The following SMAD2 variants were observed in gnomAD, a reference collection of about 807,000 sequenced individuals.
SMAD2 encodes MAD homolog 2.
In SMAD2, 8 loss-of-function variants were observed where a neutral mutation model predicts 64.4. That is an observed-to-expected ratio of 0.12 (90% CI 0.07 to 0.22). The LOEUF is 0.22. Ranked by LOEUF, SMAD2 falls within the 10% of genes least tolerant of loss-of-function variation. The pLI, the probability that SMAD2 is intolerant of heterozygous loss-of-function variation, is 1.00. For synonymous variants in SMAD2, 203 were observed against 195.8 expected (o/e 1.04, Z -0.31); for missense variants, 289 against 561.2 (o/e 0.51, Z 4.90).
At chr18:47,885,410 C>T (rs913730024) in intron 2 of SMAD2, among the ~76,000 whole-genome samples, 1 of 152,108 alleles carries the variant, frequency 6.6e-6, no homozygotes, top group African/African-American at 2.4e-5. Context: ...TCAAGTGACC[C>T]ACCTGCCTCA....
chr18:47,850,649 TAA>T (rs1915348763), intron 7 of SMAD2, among the ~76,000 whole-genome samples: 2 of 47,174 alleles, frequency 4.2e-5, no homozygotes, highest in Non-Finnish European at 6.6e-5. Flanking sequence ...ATATTATGTA[TAA>T]TATATATTAT....
rs1462147233 is a variant in SMAD2 at position 47,816,444 on chromosome 18, A to G, written c.*25383T>C. 2.6e-5 allele frequency: 4 copies of G among 152,246 alleles called. No homozygotes were observed. The highest frequency in any genetic ancestry group is 7.2e-5 in the African/African-American group (3 of 41,464). The allele number at this position is 152,246 out of a possible 1,614,324, so 9.4% of individuals were successfully genotyped here. On this transcript the variant is annotated 3_prime_UTR_variant, in exon 11 of 11. Transcript: ENST00000262160. ...AACTTATTAAGAACATTAACAAGTA[A>G]TAACACATATTTTAATGTAATATTG...
chr18:47,845,832 T>C, intron 8 of SMAD2, 32 bp from the exon 9 acceptor site: 2 of 1,596,742 alleles, frequency 1.3e-6, no homozygotes, highest in Non-Finnish European at 1.7e-6. Context: ...ATTAGTTTTG[T>C]AACATTTACT....
In SMAD2 at chr18:47,829,778, T is replaced by C. The variant is rs1270430385; in HGVS notation, c.*12049A>G. 6.6e-6 allele frequency: 1 copy of C among 152,240 alleles called. No homozygotes were observed. Among genetic ancestry groups the C allele is most frequent in the Non-Finnish European group, 1.5e-5 (1 of 68,040 alleles). The allele number at this position is 152,240 out of a possible 1,614,324, so 9.4% of individuals were successfully genotyped here. A position where few individuals can be genotyped will look rare whatever the true frequency, so the allele number is the denominator to read the frequency against. ...ATTTAGTTTACCAAATGTAGCTTTT[T>C]ATGTTTTATGTTTTACCAACAAATA... On this transcript the variant is annotated 3_prime_UTR_variant, in exon 11 of 11. Transcript: ENST00000262160.
At chr18:47,851,461 TGTAA>T (rs1568044149) in intron 6 of SMAD2, 134 bp from the exon 7 acceptor site, 1 of 415,142 alleles carries the variant, frequency 2.4e-6, no homozygotes, top group African/African-American at 2.2e-5. Flanking sequence ...ATTCAGAATA[TGTAA>T]GTGCTTAAAT....
At chr18:47,902,300 T>A (rs1307951671) in intron 1 of SMAD2, among the ~76,000 whole-genome samples, 1 of 152,220 alleles carries the variant, frequency 6.6e-6, no homozygotes, top group Non-Finnish European at 1.5e-5. Flanking sequence ...TCTCTATCGC[T>A]AAATATATAA....
intron 6 of SMAD2, among the ~76,000 whole-genome samples, chr18:47,859,226 A>C (rs754115860): frequency 6.6e-6 from 1 of 152,178 alleles, no homozygotes; most frequent in East Asian, 1.9e-4. Context: ...GCACAAACAG[A>C]TGACTCTAAA....
Position 47,838,242 on chromosome 18 carries a change from C to A in SMAD2, c.*3585G>T. 4.3e-6 allele frequency: 1 copy of A among 233,168 alleles called. No individual in the cohort carries two copies. The highest frequency in any genetic ancestry group is 8.5e-6 in the Non-Finnish European group (1 of 117,858). The allele number at this position is 233,168 out of a possible 1,614,324, so 14.4% of individuals were successfully genotyped here. Reference sequence around the variant, plus strand: ...GACAGTGTTTAAAAGACAGACAAATCAAGCAAAACTCAATGTGGCTTAAGG... The same window carrying A: ...GACAGTGTTTAAAAGACAGACAAATAAAGCAAAACTCAATGTGGCTTAAGG... On this transcript the variant is annotated 3_prime_UTR_variant, in exon 11 of 11. Coordinates refer to ENST00000262160, the MANE Select transcript of SMAD2 (RefSeq NM_005901.6).
intron 1 of SMAD2, among the ~76,000 whole-genome samples, chr18:47,916,838 G>C (rs1281070743): frequency 6.6e-6 from 1 of 152,206 alleles, no homozygotes; most frequent in Non-Finnish European, 1.5e-5. Context: ...ACTGTTCACA[G>C]TATTCTTGCA....
At chr18:47,856,648 CAT>C (rs1193544709) in intron 6 of SMAD2, among the ~76,000 whole-genome samples, 2 of 152,086 alleles carry the variant, frequency 1.3e-5, no homozygotes, top group African/African-American at 4.8e-5. Context: ...ACCAGCCAGA[CAT>C]ATAGTGTAAT....
rs181893753 is a variant in SMAD2, at chr18:47,857,068, G to A, written c.731-5741C>T. On this transcript the variant is annotated intron_variant, in intron 6 of 10. Transcript: ENST00000262160. ...GAGACGGGGTTTCACCGTTTTAGCC[G>A]GGATGGTCTCGATCTCCTGACCTCG... Among the ~76,000 whole-genome samples the A allele has an allele frequency of 7.4e-3, 1,120 of 151,756 alleles. 11 individuals carry two copies. The highest frequency in any genetic ancestry group is 0.025 in the African/African-American group (1,031 of 41,418).
chr18:47,919,265 C>T (rs916862382), intron 1 of SMAD2, among the ~76,000 whole-genome samples: 14 of 151,938 alleles, frequency 9.2e-5, no homozygotes, highest in Non-Finnish European at 4.4e-5. Context: ...AGACATGCAA[C>T]ATCTCCAAGT....
intron 1 of SMAD2, among the ~76,000 whole-genome samples, chr18:47,898,613 A>T (rs1229408003): frequency 6.6e-6 from 1 of 152,176 alleles, no homozygotes; most frequent in African/African-American, 2.4e-5. Flanking sequence ...TTCCTGCTCT[A>T]ACCTCTCCAT....
intron 2 of SMAD2, among the ~76,000 whole-genome samples, chr18:47,880,971 A>G (rs953379698): frequency 2.6e-4 from 40 of 152,072 alleles, no homozygotes; most frequent in African/African-American, 8.9e-4. Context: ...CTCACTCTCC[A>G]ATAGTTGTGA....
rs1390815349 is a variant in SMAD2 at position 47,821,671 on chromosome 18, G to T, written c.*20156C>A. 1 of 152,124 alleles carries T rather than the reference G, an allele frequency of 6.6e-6. No homozygotes were observed. Among genetic ancestry groups the T allele is most frequent in the Non-Finnish European group, 1.5e-5 (1 of 68,038 alleles). 9.4% of individuals were successfully genotyped at this position (152,124 alleles called of 1,614,324 possible). On this transcript the variant is annotated 3_prime_UTR_variant, in exon 11 of 11. Coordinates refer to ENST00000262160, the MANE Select transcript of SMAD2 (RefSeq NM_005901.6). ...AATAGGCTTCCCATAAGTAAAGGCA[G>T]TCACACTGCAAGAGATTTTTCTTTA...
intron 1 of SMAD2, among the ~76,000 whole-genome samples, chr18:47,911,810 TA>T (rs1009583700): frequency 6.6e-6 from 1 of 152,184 alleles, no homozygotes; most frequent in Non-Finnish European, 1.5e-5. Flanking sequence ...CTGTAGTATG[TA>T]ACTTGATAAA....
intron 6 of SMAD2, among the ~76,000 whole-genome samples, chr18:47,860,127 C>T (rs1167617602): frequency 1.3e-5 from 2 of 152,198 alleles, no homozygotes; most frequent in African/African-American, 4.8e-5. Context: ...AAGTGAGATC[C>T]TGTCTCAATT....
chr18:47,909,927 T>A (rs776285709), intron 1 of SMAD2, among the ~76,000 whole-genome samples: 1 of 152,048 alleles, frequency 6.6e-6, no homozygotes, highest in Non-Finnish European at 1.5e-5. Flanking sequence ...CCTTTAAGGC[T>A]CATTACACAC....
Position 47,819,944 on chromosome 18 carries a change from T to C in SMAD2, c.*21883A>G, listed in dbSNP as rs892195433. ...TGTGAGTTGGAGTTTGAGGCTGCAG[T>C]GTGCTACAATTGTGCCTGTGAACAG... On this transcript the variant is annotated 3_prime_UTR_variant, in exon 11 of 11. Coordinates refer to ENST00000262160, the MANE Select transcript of SMAD2 (RefSeq NM_005901.6). The C allele has an allele frequency of 6.6e-6, 1 of 152,162 alleles. No homozygotes were observed. Among genetic ancestry groups the C allele is most frequent in the Non-Finnish European group, 1.5e-5 (1 of 68,012 alleles). The allele number at this position is 152,162 out of a possible 1,614,324, so 9.4% of individuals were successfully genotyped here.
Sources: gnomAD v4.1 joint callset for allele counts (sites outside exome capture counted in the v4.1 genomes callset) on GRCh38, gnomAD v4.1.1 for gene constraint, MANE v1.5 for transcripts, NCBI Gene and HGNC (gene_info 2026-07-23, HGNC 2026-07-21) for gene names.